The following FBN3 variants were observed in gnomAD, a reference collection of about 807,000 sequenced individuals.
FBN3 encodes fibrillin-3.
FBN3 carries 234 observed loss-of-function variants against 330.1 expected under a neutral mutation model. The ratio of observed to expected loss-of-function variants is 0.71; its 90% CI spans 0.64 to 0.79. The LOEUF (loss-of-function observed/expected upper bound fraction) is 0.79. Ranked by LOEUF, FBN3 falls within the 30% of genes least tolerant of loss-of-function variation. FBN3 has a pLI of 0.00. For missense variants in FBN3, 3,606 were observed against 3,886.9 expected, an observed-to-expected ratio of 0.93 and a Z score of 1.92; for synonymous variants, 1,458 against 1,517.3, an observed-to-expected ratio of 0.96 and a Z score of 0.91.
Position 8,090,104 on chromosome 19 carries a change from C to T in FBN3, c.6179G>A (p.Gly2060Asp), listed in dbSNP as rs750471623. 2 of 1,613,456 alleles carry T rather than the reference C, an allele frequency of 1.2e-6. No individual in the cohort carries two copies. The highest frequency in any genetic ancestry group is 4.5e-5 in the East Asian group (2 of 44,856). The change falls in exon 49 of 64, where the codon GGC (glycine) becomes GAC (aspartate). Residue 2060 changes from glycine to aspartate, a missense_variant. Physicochemically the swap from Gly to Asp is moderately conservative, Grantham distance 94. Coordinates refer to ENST00000600128, the MANE Select transcript of FBN3 (RefSeq NM_032447.5). ...GDPCELCPQE[G>D]SAAFQELCPF... The stretch of plus-strand genomic sequence containing the variant: ...GGACAGGGGTGGGCACTCACCGCTG[C>T]CCTCCTGGGGACACAGTTCGCAGGG...
In FBN3 at chr19:8,109,500, G is replaced by A. The variant is rs1483426530; in HGVS notation, c.4457-112C>T. On this transcript the variant is annotated intron_variant, in intron 35 of 63. Transcript: ENST00000600128. This position sits in a 1 kb window ranked among gnomAD's most constrained non-coding sequence, Gnocchi z 5.2. ...GACAAGGACAACCACTCTTGCAGGA[G>A]ACCAGCAGATGTCCCGTTTGTCAGG... 23 of 1,532,576 alleles carry A rather than the reference G, an allele frequency of 1.5e-5. No individual in the cohort carries two copies. In the East Asian group the frequency reaches 2.7e-4, roughly 18 times the overall value. 94.9% of individuals were successfully genotyped at this position (1,532,576 alleles called of 1,614,324 possible). A position where few individuals can be genotyped will look rare whatever the true frequency, so the allele number is the denominator to read the frequency against.
Position 8,109,142 on chromosome 19 carries a change from C to A in FBN3, c.4618+85G>T. ...TTTTCCTGTCGCCTAAGCCCCCCAC[C>A]ACCGCCATTAGCAGAGGTGACCCCC... On this transcript the variant is annotated intron_variant, in intron 36 of 63. Transcript: ENST00000600128. The surrounding 1 kb of genome is among the most constrained non-coding windows in gnomAD (Gnocchi z 5.2). 1 of 1,362,512 alleles carries A rather than the reference C, an allele frequency of 7.3e-7. No homozygotes were observed. Among genetic ancestry groups the A allele is most frequent in the South Asian group, 1.4e-5 (1 of 73,384 alleles). 84.4% of individuals were successfully genotyped at this position (1,362,512 alleles called of 1,614,324 possible).
intron 36 of FBN3, among the ~76,000 whole-genome samples, chr19:8,108,802 C>T (rs552066676): frequency 6.6e-6 from 1 of 152,278 alleles, no homozygotes; most frequent in South Asian, 2.1e-4. Flanking sequence ...CACTTCCCCA[C>T]AGCTTTCTCC....
intron 30 of FBN3, among the ~76,000 whole-genome samples, chr19:8,113,349 G>A (rs1354127527): frequency 1.3e-5 from 2 of 152,116 alleles, no homozygotes; most frequent in Non-Finnish European, 2.9e-5. Context: ...ATAGCTCACT[G>A]CAGCCTGGAT....
chr19:8,118,302 A>C (rs535837881), intron 26 of FBN3, among the ~76,000 whole-genome samples: 2 of 151,512 alleles, frequency 1.3e-5, no homozygotes, highest in Non-Finnish European at 2.9e-5. Context: ...AAACACACCC[A>C]CTCAGAAATT....
intron 30 of FBN3, among the ~76,000 whole-genome samples, chr19:8,112,868 A>T (rs2082622372): frequency 6.6e-6 from 1 of 152,194 alleles, no homozygotes; most frequent in Non-Finnish European, 1.5e-5. Flanking sequence ...TTTAAAAGAC[A>T]ATTTTGGATC....
chr19:8,117,274 C>T lies in FBN3; in HGVS notation c.3481G>A (p.Val1161Ile), dbSNP rs111678795. Residue 1161 changes from valine (V) to isoleucine (I), a missense_variant, in exon 28 of 64, where the codon GTC becomes ATC. Transcript: ENST00000600128. The stretch of plus-strand genomic sequence containing the variant: ...TGCACGTCACACCCACCATTCTGGA[C>T]CCGGCATTCGTTGATGTCTGCAGGA... Reference protein sequence around the residue: ...QGCVDINECRVQNGGCDVHCI... With the variant: ...QGCVDINECRIQNGGCDVHCI... The T allele has an allele frequency of 9.3e-4, 1,494 of 1,613,856 alleles. 5 individuals carry two copies. In the African/African-American group the frequency reaches 0.018, roughly 19 times the overall value.
At chr19:8,102,432 G>GT (rs2082347378) in intron 40 of FBN3, among the ~76,000 whole-genome samples, 1 of 151,964 alleles carries the variant, frequency 6.6e-6, no homozygotes, top group Non-Finnish European at 1.5e-5. Context: ...TGGCCAGGCT[G>GT]TTTTCGAATG....
At position 8,126,605 on chromosome 19, in the gene FBN3, T is replaced by C. The variant is rs1265274752; in HGVS notation, c.2417A>G (p.Asp806Gly). 1.9e-6 allele frequency: 3 copies of C among 1,608,982 alleles called. No individual in the cohort carries two copies. The highest frequency in any genetic ancestry group is 2.5e-6 in the Non-Finnish European group (3 of 1,179,678). The change falls in exon 20 of 64, where the codon GAC (aspartate) becomes GGC (glycine). Residue 806 changes from aspartate (D) to glycine (G), a missense_variant and splice_region_variant. Physicochemically the swap from Asp to Gly is moderately conservative, Grantham distance 94 (BLOSUM62 -1). Coordinates refer to ENST00000600128, the MANE Select transcript of FBN3 (RefSeq NM_032447.5). ...RLDPSGTFCL[D>G]STKGTCWLKI... ...CAGCCAGCAGGTGCCCTTGGTGCTG[T>C]CTGGGGAGAAGAGGCGGGTCACCTG...
At position 8,096,442 on chromosome 19, in the gene FBN3, A is replaced by G. The variant is rs1179874596; in HGVS notation, c.5539+2T>C. 3.7e-6 allele frequency: 6 copies of G among 1,612,936 alleles called. No homozygotes were observed. The highest frequency in any genetic ancestry group is 4.2e-6 in the Non-Finnish European group (5 of 1,179,388). On this transcript the variant is annotated splice_donor_variant, in intron 44 of 63. Coordinates refer to ENST00000600128, the MANE Select transcript of FBN3 (RefSeq NM_032447.5). LOFTEE classifies it high-confidence loss of function. The surrounding 1 kb of genome is among the most constrained non-coding windows in gnomAD (Gnocchi z 4.6). Reference sequence around the variant, plus strand: ...AAAGGAGGGGGAAGATAAGGGTCTCACCCATGCACAGGGTCTGGTCTGCAG... The same window carrying G: ...AAAGGAGGGGGAAGATAAGGGTCTCGCCCATGCACAGGGTCTGGTCTGCAG...
At chr19:8,110,188 T>G (rs2082544892) in intron 34 of FBN3, among the ~76,000 whole-genome samples, 1 of 152,200 alleles carries the variant, frequency 6.6e-6, no homozygotes. Flanking sequence ...TTGGAGTAGC[T>G]GGGACTACAG....
At chr19:8,146,448 G>A (rs979971987) in intron 3 of FBN3, among the ~76,000 whole-genome samples, 1 of 152,242 alleles carries the variant, frequency 6.6e-6, no homozygotes, top group African/African-American at 2.4e-5. Context: ...TGGGGACTCT[G>A]CTAGAGCCAT....
At chr19:8,073,690 C>T (rs980024332) in intron 61 of FBN3, among the ~76,000 whole-genome samples, 3 of 152,182 alleles carry the variant, frequency 2.0e-5, no homozygotes, top group Non-Finnish European at 2.9e-5. Flanking sequence ...CTCCAATTGT[C>T]TGTTTGGAGT....
intron 63 of FBN3, among the ~76,000 whole-genome samples, chr19:8,069,600 A>G (rs2081469375): frequency 6.6e-6 from 1 of 152,116 alleles, no homozygotes; most frequent in Middle Eastern, 3.4e-3. Flanking sequence ...ATACAGCCCT[A>G]TTTTTGAGAC....
At chr19:8,085,934 C>A (rs73503763) in intron 55 of FBN3, among the ~76,000 whole-genome samples, 5,284 of 143,026 alleles carry the variant, frequency 0.037, 344 homozygotes, top group African/African-American at 0.13. Flanking sequence ...GTCAGTGCCG[C>A]AGGCCCCGTC....
chr19:8,069,598 C>T (rs917904226), intron 63 of FBN3, among the ~76,000 whole-genome samples: 46 of 152,092 alleles, frequency 3.0e-4, no homozygotes, highest in African/African-American at 1.1e-3. Context: ...CAATACAGCC[C>T]TATTTTTGAG....
chr19:8,081,388 G>C lies in FBN3; in HGVS notation c.7306C>G (p.Leu2436Val). 6.2e-7 allele frequency: 1 copy of C among 1,610,518 alleles called. No homozygotes were observed. The highest frequency in any genetic ancestry group is 2.2e-5 in the East Asian group (1 of 44,876). The change falls in exon 58 of 64, where the codon CTG becomes GTG. Residue 2436 changes from leucine (L) to valine (V), a missense_variant. By Grantham distance (32) the Leu-to-Val change is conservative (BLOSUM62 1). Coordinates refer to ENST00000600128, the MANE Select transcript of FBN3 (RefSeq NM_032447.5). ...SFLCSCPRGY[L>V]LEEDGRTCKD... ...CAGGTCCTGCCATCCTCCTCCAGCA[G>C]GTAGCCTCGGGGACAGCTGCACAGG...
chr19:8,106,060 G>A lies in FBN3; in HGVS notation c.4813+48C>T, dbSNP rs766592736. The A allele has an allele frequency of 1.7e-5, 28 of 1,606,444 alleles. No individual in the cohort carries two copies. The African/African-American group carries it at 3.1e-4, about 18-fold the overall frequency. On this transcript the variant is annotated intron_variant, in intron 38 of 63. Coordinates refer to ENST00000600128, the MANE Select transcript of FBN3 (RefSeq NM_032447.5). ...GAGGCTTGGCAGGGCAGGAAGGCAG[G>A]GAGAGAGCGGAAGAGCCTGACCCAC...
intron 41 of FBN3, 74 bp downstream of exon 41, chr19:8,100,827 A>G: frequency 1.7e-6 from 2 of 1,144,682 alleles, no homozygotes; most frequent in African/African-American, 3.1e-5. Context: ...AGAGCTGTTG[A>G]GGAGGGGAGG....
Sources: gnomAD v4.1 joint callset for allele counts (sites outside exome capture counted in the v4.1 genomes callset) on GRCh38, gnomAD v4.1.1 for gene constraint, Gnocchi (gnomAD v3.1) non-coding constraint, MANE v1.5 for transcripts, NCBI Gene and HGNC (gene_info 2026-07-23, HGNC 2026-07-21) for gene names.